Variants in SNTG1 observed in about 807,000 individuals in gnomAD.
SNTG1 encodes syntrophin gamma 1, also known as gamma-1-syntrophin.
Under a neutral mutation model 74.7 loss-of-function variants are expected in SNTG1, and 39 were observed. The observed-to-expected ratio is 0.52, with a 90% CI of 0.40 to 0.68. SNTG1 has a LOEUF of 0.68. Ranked by LOEUF, SNTG1 falls within the 30% of genes least tolerant of loss-of-function variation. The pLI, the probability that SNTG1 is intolerant of heterozygous loss-of-function variation, is 0.00. For synonymous variants in SNTG1, 254 were observed against 217.1 expected (o/e 1.17, Z -1.49); for missense variants, 685 against 609.5 (o/e 1.12, Z -1.30).
At chr8:49,960,431 T>C (rs569001487) in intron 1 of SNTG1, among the ~76,000 whole-genome samples, 39 of 152,304 alleles carry the variant, frequency 2.6e-4, no homozygotes, top group African/African-American at 8.9e-4. Flanking sequence ...ACTTACAGCA[T>C]AATATACAGA....
chr8:50,150,028 A>G (rs1483967200), intron 1 of SNTG1, among the ~76,000 whole-genome samples: 2 of 152,108 alleles, frequency 1.3e-5, no homozygotes, highest in East Asian at 1.9e-4. Flanking sequence ...ATCCATGACC[A>G]TGGAATGTTC....
At chr8:50,043,390 T>A (rs987545200) in intron 1 of SNTG1, among the ~76,000 whole-genome samples, 1 of 152,238 alleles carries the variant, frequency 6.6e-6, no homozygotes, top group Non-Finnish European at 1.5e-5. Context: ...GTATGCTATA[T>A]ATGGCATACC....
At chr8:50,742,843 A>G (rs1387535380) in intron 17 of SNTG1, among the ~76,000 whole-genome samples, 1 of 151,904 alleles carries the variant, frequency 6.6e-6, no homozygotes, top group Non-Finnish European at 1.5e-5. Flanking sequence ...AAGAGAAGAG[A>G]CATTTTGATA....
intron 18 of SNTG1, among the ~76,000 whole-genome samples, chr8:50,753,107 A>C (rs1378087519): frequency 6.6e-6 from 1 of 151,730 alleles, no homozygotes; most frequent in African/African-American, 2.4e-5. Flanking sequence ...TGCCTTGCTA[A>C]CTTCTTCCAC....
chr8:50,692,014 G>A (rs1439876084), intron 15 of SNTG1, among the ~76,000 whole-genome samples: 1 of 151,970 alleles, frequency 6.6e-6, no homozygotes, highest in Non-Finnish European at 1.5e-5. Context: ...TTCCATCACT[G>A]ATACCCTTTC....
intron 15 of SNTG1, among the ~76,000 whole-genome samples, chr8:50,698,414 C>T (rs1457514709): frequency 2.0e-5 from 3 of 152,116 alleles, no homozygotes; most frequent in Non-Finnish European, 4.4e-5. Context: ...TGCCCCAGGC[C>T]TTAGGAGTCA....
intron 1 of SNTG1, among the ~76,000 whole-genome samples, chr8:49,928,815 A>T (rs1399493509): frequency 6.6e-6 from 1 of 152,160 alleles, no homozygotes; most frequent in Admixed American, 6.5e-5. Context: ...AAGTAATAAA[A>T]TGTTATACAT....
chr8:50,278,382 T>C (rs765780174), intron 2 of SNTG1, among the ~76,000 whole-genome samples: 2 of 152,182 alleles, frequency 1.3e-5, no homozygotes, highest in African/African-American at 2.4e-5. Flanking sequence ...TTTATGTCTG[T>C]CTGTTGGCTT....
intron 1 of SNTG1, among the ~76,000 whole-genome samples, chr8:50,141,996 C>A (rs111620233): frequency 6.6e-6 from 1 of 152,114 alleles, no homozygotes; most frequent in African/African-American, 2.4e-5. Context: ...ATATTGACAC[C>A]TATTATTGCA....
At chr8:50,651,839 G>T (rs2095148732) in intron 13 of SNTG1, among the ~76,000 whole-genome samples, 1 of 151,588 alleles carries the variant, frequency 6.6e-6, no homozygotes, top group Non-Finnish European at 1.5e-5. Context: ...GAGTGCAATG[G>T]CATGATCTCA....
At chr8:50,711,182 A>G (rs1301919490) in intron 17 of SNTG1, among the ~76,000 whole-genome samples, 1 of 152,216 alleles carries the variant, frequency 6.6e-6, no homozygotes, top group Non-Finnish European at 1.5e-5. Context: ...TAAAAAGGTA[A>G]TTGTTACATA....
At chr8:50,067,248 T>C (rs928222127) in intron 1 of SNTG1, among the ~76,000 whole-genome samples, 1 of 152,184 alleles carries the variant, frequency 6.6e-6, no homozygotes, top group Non-Finnish European at 1.5e-5. Context: ...TTCCTACATA[T>C]GTGGCTTTTT....
chr8:50,521,231 A>G (rs2094176857), intron 9 of SNTG1, among the ~76,000 whole-genome samples: 1 of 152,094 alleles, frequency 6.6e-6, no homozygotes, highest in African/African-American at 2.4e-5. Flanking sequence ...GAACACATGG[A>G]CATAGGGAGG....
chr8:50,363,405 G>T (rs1169132917), intron 2 of SNTG1, among the ~76,000 whole-genome samples: 1 of 152,182 alleles, frequency 6.6e-6, no homozygotes, highest in South Asian at 2.1e-4. Flanking sequence ...AGCGGGGTTA[G>T]AGCCTGCAAG....
intron 8 of SNTG1, among the ~76,000 whole-genome samples, chr8:50,495,245 AT>A (rs1330069939): frequency 6.6e-6 from 1 of 152,152 alleles, no homozygotes; most frequent in Non-Finnish European, 1.5e-5. Flanking sequence ...TTTATGAAGT[AT>A]TTTTAAAAAT....
At chr8:50,391,011 T>C (rs1005005718) in intron 2 of SNTG1, among the ~76,000 whole-genome samples, 1 of 152,214 alleles carries the variant, frequency 6.6e-6, no homozygotes, top group Non-Finnish European at 1.5e-5. Flanking sequence ...TCATGTCATC[T>C]GCAAACAGGG....
chr8:50,568,956 T>C (rs2094531599), intron 12 of SNTG1: 1 of 152,232 alleles, frequency 6.6e-6, no homozygotes, highest in South Asian at 2.1e-4. Flanking sequence ...TCACTTCAGT[T>C]TCAGGAAGGA....
At chr8:50,555,346 A>G (rs1290396468) in intron 12 of SNTG1, among the ~76,000 whole-genome samples, 2 of 152,212 alleles carry the variant, frequency 1.3e-5, no homozygotes, top group Non-Finnish European at 2.9e-5. Flanking sequence ...ATGTATTCTG[A>G]TATGGAAAGT....
chr8:50,335,775 A>C, intron 2 of SNTG1, among the ~76,000 whole-genome samples: 1 of 152,114 alleles, frequency 6.6e-6, no homozygotes, highest in Non-Finnish European at 1.5e-5. Context: ...CTCTAATGCC[A>C]GCTAAGTCAT....
Sources: allele counts gnomAD v4.1 joint callset (sites outside exome capture counted in the v4.1 genomes callset), GRCh38; gene constraint gnomAD v4.1.1; transcripts MANE v1.5; gene names NCBI Gene and HGNC (gene_info 2026-07-23, HGNC 2026-07-21).